Variants in MTUS1 observed in about 807,000 individuals in gnomAD.
The protein encoded by MTUS1 is microtubule associated scaffold protein 1, also known as microtubule-associated tumor suppressor 1.
A neutral mutation model predicts 120.8 loss-of-function variants in MTUS1; 109 were observed. The ratio of observed to expected loss-of-function variants is 0.90; its 90% CI spans 0.77 to 1.06. The LOEUF (loss-of-function observed/expected upper bound fraction) is 1.06. Among genes scored for constraint, MTUS1 ranks in the 50% least tolerant of loss-of-function variants. The pLI is 0.00. For synonymous variants in MTUS1, 737 were observed against 550.5 expected, an observed-to-expected ratio of 1.34 and a Z score of -4.74; for missense variants, 2,210 against 1,486.3, an observed-to-expected ratio of 1.49 and a Z score of -8.01.
rs369349953 is a variant in MTUS1 at position 17,754,129 on chromosome 8, T to C, written c.1679A>G (p.Asp560Gly). ...TTCTGCTTTTTTGTCTGCATTCAAGTCAGATCTCGGTGTTCTGCTCAAGAC... is the reference window on the plus strand; with the variant it reads ...TTCTGCTTTTTTGTCTGCATTCAAGCCAGATCTCGGTGTTCTGCTCAAGAC... ...QTVLSRTPRS[D>G]LNADKKAEIL... Residue 560 changes from aspartate to glycine, a missense_variant, in exon 2 of 15, where the codon GAC becomes GGC. Transcript: ENST00000693296. 5.0e-6 allele frequency: 8 copies of C among 1,613,816 alleles called. No homozygotes were observed. In the African/African-American group the frequency reaches 9.3e-5, roughly 19 times the overall value.
At chr8:17,701,975 A>G (rs1819190369) in intron 6 of MTUS1, among the ~76,000 whole-genome samples, 1 of 152,250 alleles carries the variant, frequency 6.6e-6, no homozygotes, top group Non-Finnish European at 1.5e-5. Context: ...ATGGGATTAA[A>G]TAAGCATTTA....
chr8:17,780,213 C>G (rs1033419308), intron 1 of MTUS1, among the ~76,000 whole-genome samples: 1 of 152,054 alleles, frequency 6.6e-6, no homozygotes, highest in Non-Finnish European at 1.5e-5. Context: ...AAGTGTGGTA[C>G]CTCCCCCGTC....
At chr8:17,722,531 C>T (rs1166605756) in intron 4 of MTUS1, 2 of 985,276 alleles carry the variant, frequency 2.0e-6, no homozygotes, top group Non-Finnish European at 2.4e-6. Context: ...GTCACATATC[C>T]CAGTATTCCT....
chr8:17,686,852 G>C (rs1489452283), intron 6 of MTUS1, among the ~76,000 whole-genome samples: 1 of 152,040 alleles, frequency 6.6e-6, no homozygotes, highest in Non-Finnish European at 1.5e-5. Context: ...GTATCCTGAA[G>C]CATTTTTTAT....
chr8:17,649,919 A>T lies in MTUS1; in HGVS notation c.3428T>A (p.Leu1143Gln), dbSNP rs373021974. 8.7e-6 allele frequency: 14 copies of T among 1,612,064 alleles called. No individual in the cohort carries two copies. The highest frequency in any genetic ancestry group is 1.0e-5 in the Non-Finnish European group (12 of 1,178,288). Residue 1143 changes from leucine to glutamine, a missense_variant, in exon 13 of 15, where the codon CTG becomes CAG. Leu to Gln is a moderately radical substitution (Grantham distance 113, BLOSUM62 -2). Transcript: ENST00000693296. ...IMYLEQELES[L>Q]KAVLEIKNEK... Reference sequence around the variant, plus strand: ...ATTCTTGATCTCTAACACAGCTTTCAGGCTTTCTAACTCCTGTTCTAGATA... The same window carrying T: ...ATTCTTGATCTCTAACACAGCTTTCTGGCTTTCTAACTCCTGTTCTAGATA...
intron 1 of MTUS1, among the ~76,000 whole-genome samples, chr8:17,767,420 G>T (rs538354636): frequency 6.6e-6 from 1 of 151,748 alleles, no homozygotes. Flanking sequence ...AAAGGGGCTG[G>T]GTACAGTGGC....
intron 5 of MTUS1, among the ~76,000 whole-genome samples, chr8:17,714,937 ACT>A (rs1451958029): frequency 1.8e-5 from 2 of 112,428 alleles, no homozygotes; most frequent in Non-Finnish European, 3.3e-5. Flanking sequence ...ACAGAGTCTC[ACT>A]CTGTCACCCA....
intron 2 of MTUS1, chr8:17,748,358 T>C (rs958920029): frequency 2.0e-5 from 3 of 152,268 alleles, no homozygotes; most frequent in African/African-American, 7.2e-5. Flanking sequence ...AATAAAATTA[T>C]CTGCCTCCAC....
chr8:17,749,583 C>T (rs546917489), intron 2 of MTUS1, among the ~76,000 whole-genome samples: 6 of 151,338 alleles, frequency 4.0e-5, no homozygotes, highest in African/African-American at 1.5e-4. Context: ...ATCACTTGAA[C>T]CCGGGAGGCA....
At position 17,754,682 on chromosome 8, in the gene MTUS1, C is replaced by T. The variant is rs377257691; in HGVS notation, c.1126G>A (p.Asp376Asn). The change falls in exon 2 of 15, where the codon GAC becomes AAC. Residue 376 changes from aspartate (D) to asparagine (N), a missense_variant. Asp to Asn is a conservative substitution (Grantham distance 23). Coordinates refer to ENST00000693296, the MANE Select transcript of MTUS1 (RefSeq NM_001363059.2). ...NPEHKVTETE[D>N]TQMVSKGKDL... ...TTTCCTTTGGAGACCATTTGTGTGTCTTCAGTCTCAGTGACTTTATGCTCT... is the reference window on the plus strand; with the variant it reads ...TTTCCTTTGGAGACCATTTGTGTGTTTTCAGTCTCAGTGACTTTATGCTCT... 8.7e-6 allele frequency: 14 copies of T among 1,614,088 alleles called. No individual in the cohort carries two copies. In the South Asian group the frequency reaches 1.5e-4, roughly 18 times the overall value.
chr8:17,740,394 C>T (rs550952798), intron 3 of MTUS1, among the ~76,000 whole-genome samples: 1 of 152,204 alleles, frequency 6.6e-6, no homozygotes, highest in Non-Finnish European at 1.5e-5. Flanking sequence ...CTGCCGCTTA[C>T]CTTTCAGCAG....
chr8:17,730,880 G>A (rs1430612398), intron 3 of MTUS1, among the ~76,000 whole-genome samples: 1 of 152,134 alleles, frequency 6.6e-6, no homozygotes, highest in Non-Finnish European at 1.5e-5. Context: ...ACAAAGTTCT[G>A]GAGATGGATA....
intron 8 of MTUS1, among the ~76,000 whole-genome samples, chr8:17,662,036 G>A (rs998186742): frequency 4.6e-5 from 7 of 152,214 alleles, no homozygotes; most frequent in Admixed American, 2.0e-4. Context: ...CTCGGCAGCT[G>A]TGACATAAAC....
rs768393434 is a variant in MTUS1, at chr8:17,754,154, CTGTT to C, written c.1650_1653del (p.Thr551SerfsTer2). The C allele has an allele frequency of 2.4e-5, 38 of 1,613,352 alleles. No individual in the cohort carries two copies. The highest frequency in any genetic ancestry group is 3.3e-5 in the South Asian group (3 of 91,044). On this transcript the variant is annotated frameshift_variant, in exon 2 of 15. Coordinates refer to ENST00000693296, the MANE Select transcript of MTUS1 (RefSeq NM_001363059.2). LOFTEE classifies it high-confidence loss of function. ...TCAGATCTCGGTGTTCTGCTCAAGA[CTGTT>C]TGTTGTCTTGAATTCACTGATGAGG...
chr8:17,651,159 C>G (rs1585397737), intron 12 of MTUS1, among the ~76,000 whole-genome samples: 1 of 152,140 alleles, frequency 6.6e-6, no homozygotes. Flanking sequence ...TAGATAGTTC[C>G]CTGAGGCTAG....
At chr8:17,787,205 G>A (rs530024289) in intron 1 of MTUS1, among the ~76,000 whole-genome samples, 1 of 152,286 alleles carries the variant, frequency 6.6e-6, no homozygotes, top group South Asian at 2.1e-4. Context: ...CCAGGATGAG[G>A]AACAGGCCAC....
At chr8:17,762,566 G>A (rs551460018) in intron 1 of MTUS1, among the ~76,000 whole-genome samples, 17 of 152,230 alleles carry the variant, frequency 1.1e-4, no homozygotes, top group Non-Finnish European at 2.2e-4. Context: ...GTACTTGGTG[G>A]TCAATTTCCT....
chr8:17,789,153 C>A (rs372348772), intron 1 of MTUS1, among the ~76,000 whole-genome samples: 1 of 152,168 alleles, frequency 6.6e-6, no homozygotes, highest in African/African-American at 2.4e-5. Context: ...CTGCCTCAGC[C>A]TGACCAGTAG....
chr8:17,680,478 A>T (rs1814193949), intron 7 of MTUS1, among the ~76,000 whole-genome samples: 3 of 148,432 alleles, frequency 2.0e-5, no homozygotes, highest in African/African-American at 7.6e-5. Context: ...AAAAAAAAAA[A>T]AAAAAAAAAA....
Sources: gnomAD v4.1 joint callset for allele counts (sites outside exome capture counted in the v4.1 genomes callset) on GRCh38, gnomAD v4.1.1 for gene constraint, MANE v1.5 for transcripts, NCBI Gene and HGNC (gene_info 2026-07-23, HGNC 2026-07-21) for gene names.